The following PNLIPRP3 variants were observed in gnomAD, a reference collection of about 807,000 sequenced individuals.
The protein encoded by PNLIPRP3 is pancreatic lipase-related protein 3.
PNLIPRP3 carries 58 observed loss-of-function variants against 52.8 expected under a neutral mutation model. That is an observed-to-expected ratio of 1.10 (90% confidence interval 0.89 to 1.37). The LOEUF (loss-of-function observed/expected upper bound fraction) is 1.37. Ranked by LOEUF, PNLIPRP3 falls within the 40% of genes most tolerant of loss-of-function variation. The pLI is 0.00. For missense variants in PNLIPRP3, 593 were observed against 561.6 expected, an observed-to-expected ratio of 1.06 and a Z score of -0.57; for synonymous variants, 192 against 185.0, an observed-to-expected ratio of 1.04 and a Z score of -0.31.
At chr10:116,429,631 A>G (rs1003478420) in intron 1 of PNLIPRP3, among the ~76,000 whole-genome samples, 1 of 152,314 alleles carries the variant, frequency 6.6e-6, no homozygotes, top group Non-Finnish European at 1.5e-5. Flanking sequence ...TAGTTTTCAT[A>G]TTTCAAGAAC....
At position 116,471,893 on chromosome 10, in the gene PNLIPRP3, G is replaced by A; in HGVS notation, c.1172+14G>A. The stretch of plus-strand genomic sequence containing the variant: ...TGCCATTGTCAGGTAGGCAGAGTGA[G>A]AAACTGACGCTTTGCACAGTGCTGG... On this transcript the variant is annotated intron_variant, in intron 10 of 11. Transcript: ENST00000369230. The A allele has an allele frequency of 3.3e-6, 5 of 1,524,110 alleles. No individual in the cohort carries two copies. Among genetic ancestry groups the A allele is most frequent in the Non-Finnish European group, 4.5e-6 (5 of 1,099,680 alleles). The allele number at this position is 1,524,110 out of a possible 1,614,324, so 94.4% of individuals were successfully genotyped here. A position where few individuals can be genotyped will look rare whatever the true frequency, so the allele number is the denominator to read the frequency against.
intron 4 of PNLIPRP3, among the ~76,000 whole-genome samples, chr10:116,452,799 G>T (rs1829197225): frequency 6.6e-6 from 1 of 152,248 alleles, no homozygotes; most frequent in Non-Finnish European, 1.5e-5. Context: ...AGATTTCAGA[G>T]GATGTATAGA....
chr10:116,470,879 T>C (rs967588639), intron 9 of PNLIPRP3, among the ~76,000 whole-genome samples: 1 of 152,134 alleles, frequency 6.6e-6, no homozygotes, highest in East Asian at 1.9e-4. Flanking sequence ...CTTTGTATTG[T>C]GGTCAAATGA....
chr10:116,443,443 T>C (rs1845886538), intron 3 of PNLIPRP3, among the ~76,000 whole-genome samples: 1 of 151,744 alleles, frequency 6.6e-6, no homozygotes. Context: ...AATTTCTCAT[T>C]TAATTTAAGA....
chr10:116,462,794 A>G (rs1846214903), intron 7 of PNLIPRP3, among the ~76,000 whole-genome samples: 3 of 152,352 alleles, frequency 2.0e-5, no homozygotes, highest in Admixed American at 2.0e-4. Flanking sequence ...TACACAGATC[A>G]TATGAAATTT....
chr10:116,428,896 G>A (rs990507032), intron 1 of PNLIPRP3, among the ~76,000 whole-genome samples: 2 of 152,068 alleles, frequency 1.3e-5, no homozygotes, highest in African/African-American at 2.4e-5. Flanking sequence ...TTCAACCACC[G>A]GTTTGAATTC....
intron 10 of PNLIPRP3, among the ~76,000 whole-genome samples, chr10:116,475,552 T>C (rs1846450160): frequency 6.6e-6 from 1 of 152,222 alleles, no homozygotes; most frequent in Non-Finnish European, 1.5e-5. Context: ...CCTTAAGAAC[T>C]TGGAAGAACA....
chr10:116,433,373 T>A (rs1353698983), intron 1 of PNLIPRP3, among the ~76,000 whole-genome samples: 1 of 151,942 alleles, frequency 6.6e-6, no homozygotes. Context: ...AAAAACAAAC[T>A]TTAGAAAAAT....
chr10:116,436,644 T>C (rs1352582440), intron 1 of PNLIPRP3, 67 bp from the exon 2 acceptor site: 1 of 1,416,572 alleles, frequency 7.1e-7, no homozygotes, highest in Admixed American at 2.4e-5. Flanking sequence ...CTTTAACTCA[T>C]AGTGAGAAAC....
chr10:116,456,825 T>G (rs1846123527), intron 5 of PNLIPRP3, among the ~76,000 whole-genome samples: 1 of 152,194 alleles, frequency 6.6e-6, no homozygotes, highest in South Asian at 2.1e-4. Flanking sequence ...TCATCTGCCT[T>G]TTCCCTGTCC....
chr10:116,455,636 T>G, intron 4 of PNLIPRP3, 86 bp from the exon 5 acceptor site: 1 of 765,266 alleles, frequency 1.3e-6, no homozygotes, highest in Non-Finnish European at 2.0e-6. Flanking sequence ...ACCATGTTGA[T>G]CCTTTTTTTT....
intron 7 of PNLIPRP3, among the ~76,000 whole-genome samples, chr10:116,464,541 G>A (rs930490958): frequency 2.6e-5 from 4 of 152,178 alleles, no homozygotes; most frequent in Non-Finnish European, 4.4e-5. Flanking sequence ...GCTGTGGTAG[G>A]GCAGGTGGCT....
At chr10:116,459,297 C>A (rs1403348452) in intron 5 of PNLIPRP3, among the ~76,000 whole-genome samples, 10 of 145,744 alleles carry the variant, frequency 6.9e-5, no homozygotes, top group South Asian at 2.2e-4. Context: ...AAAAAAAAAA[C>A]ACATCCTATG....
At position 116,476,772 on chromosome 10, in the gene PNLIPRP3, G is replaced by A. The variant is rs774252681; in HGVS notation, c.1293G>A (p.Lys431=). Residue 431 remains lysine (K), a synonymous_variant, in exon 11 of 12, where the codon AAG becomes AAA. Transcript: ENST00000369230. ...ATTTGTTTGAAGATTCTCAGAATAA[G>A]TTGGGAGCAGAAATGGTGATAAATA... ...KKHLFEDSQN[K]LGAEMVINTS... 5 of 1,610,376 alleles carry A rather than the reference G, an allele frequency of 3.1e-6. No individual in the cohort carries two copies. Among genetic ancestry groups the A allele is most frequent in the Middle Eastern group, 1.6e-4 (1 of 6,074 alleles).
At chr10:116,477,053 GTT>G in intron 11 of PNLIPRP3, 35 bp from the exon 12 acceptor site, 1 of 1,510,176 alleles carries the variant, frequency 6.6e-7, no homozygotes, top group Non-Finnish European at 9.1e-7. Context: ...CTGGCATCAG[GTT>G]AAAATTCCTT....
Position 116,466,049 on chromosome 10 carries a change from G to T in PNLIPRP3, c.809-1G>T, listed in dbSNP as rs541364458. 6.2e-7 allele frequency: 1 copy of T among 1,607,238 alleles called. No homozygotes were observed. Among genetic ancestry groups the T allele is most frequent in the African/African-American group, 1.3e-5 (1 of 74,906 alleles). On this transcript the variant is annotated splice_acceptor_variant, in intron 7 of 11. Transcript: ENST00000369230. LOFTEE classifies it high-confidence loss of function. ...CAGTTAATTGGGAATTGTTTTCACA[G>T]AAATGGCTTCCTTCTTTGACTGTAA...
chr10:116,444,469 C>T lies in PNLIPRP3; in HGVS notation c.412C>T (p.Arg138Cys), dbSNP rs377033439. The change falls in exon 4 of 12, where the codon CGT becomes TGT. Residue 138 changes from arginine (R) to cysteine (C), a missense_variant. By Grantham distance (180) the Arg-to-Cys change is radical. Coordinates refer to ENST00000369230, the MANE Select transcript of PNLIPRP3 (RefSeq NM_001011709.3). ...ATACATCCATGCTGTAAACAATCTC[C>T]GTGTTGTTGGTGCTGAGGTGGCTTA... Reference protein sequence around the residue: ...REYIHAVNNLRVVGAEVAYFI... With the variant: ...REYIHAVNNLCVVGAEVAYFI... 4.3e-6 allele frequency: 7 copies of T among 1,613,340 alleles called. No individual in the cohort carries two copies. Among genetic ancestry groups the T allele is most frequent in the African/African-American group, 4.0e-5 (3 of 74,842 alleles).
chr10:116,475,553 T>C (rs1846450210), intron 10 of PNLIPRP3, among the ~76,000 whole-genome samples: 1 of 152,206 alleles, frequency 6.6e-6, no homozygotes, highest in Non-Finnish European at 1.5e-5. Context: ...CTTAAGAACT[T>C]GGAAGAACAG....
In PNLIPRP3 at chr10:116,469,172, T is replaced by C; in HGVS notation, c.928-13T>C. 1 of 1,608,430 alleles carries C rather than the reference T, an allele frequency of 6.2e-7. No homozygotes were observed. The highest frequency in any genetic ancestry group is 2.2e-5 in the East Asian group (1 of 44,656). On this transcript the variant is annotated splice_polypyrimidine_tract_variant and intron_variant, in intron 8 of 11. Coordinates refer to ENST00000369230, the MANE Select transcript of PNLIPRP3 (RefSeq NM_001011709.3). ...AATTACATAAGTAATCACCTTTCAT[T>C]TTCTGTCATCAGGGAAATTGCTTCT...
Sources: gnomAD v4.1 joint callset for allele counts (sites outside exome capture counted in the v4.1 genomes callset) on GRCh38, gnomAD v4.1.1 for gene constraint, MANE v1.5 for transcripts, NCBI Gene and HGNC (gene_info 2026-07-23, HGNC 2026-07-21) for gene names.